The following PPM1G variants were observed in gnomAD, a reference collection of about 807,000 sequenced individuals.
PPM1G encodes protein phosphatase, Mg2+/Mn2+ dependent 1G, also known as protein phosphatase 1G.
A neutral mutation model predicts 59.4 loss-of-function variants in PPM1G; 12 were observed. The observed-to-expected ratio is 0.20, with a 90% confidence interval of 0.13 to 0.33. The LOEUF (loss-of-function observed/expected upper bound fraction) is 0.33. Among genes scored for constraint, PPM1G ranks in the 10% least tolerant of loss-of-function variants. PPM1G has a pLI of 1.00. For synonymous variants in PPM1G, 245 were observed against 251.9 expected (o/e 0.97, Z 0.26); for missense variants, 392 against 681.3 (o/e 0.58, Z 4.73).
intron 1 of PPM1G, among the ~76,000 whole-genome samples, chr2:27,388,102 G>A (rs1683812805): frequency 6.6e-6 from 1 of 151,642 alleles, no homozygotes; most frequent in African/African-American, 2.4e-5. Flanking sequence ...CCGGCCTACA[G>A]CATTATTTAT....
chr2:27,382,406 G>A lies in PPM1G; in HGVS notation c.1331+70C>T. 6.2e-7 allele frequency: 1 copy of A among 1,600,954 alleles called. No homozygotes were observed. The highest frequency in any genetic ancestry group is 8.5e-7 in the Non-Finnish European group (1 of 1,173,152). ...GGTCTGCCTAGGCTCTAATCCTAGAGGTGCCCTGAGTCCTATAAGAGAAGA... is the reference window on the plus strand; with the variant it reads ...GGTCTGCCTAGGCTCTAATCCTAGAAGTGCCCTGAGTCCTATAAGAGAAGA... On this transcript the variant is annotated intron_variant, in intron 8 of 9. Coordinates refer to ENST00000344034, the MANE Select transcript of PPM1G (RefSeq NM_177983.3). The surrounding 1 kb of genome is among the most constrained non-coding windows in gnomAD (Gnocchi z 4.2).
chr2:27,409,012 T>C (rs1030458362), intron 1 of PPM1G, among the ~76,000 whole-genome samples: 3 of 152,242 alleles, frequency 2.0e-5, no homozygotes, highest in South Asian at 2.1e-4. Context: ...GAGGGCTAGG[T>C]TGGCACGAGA....
chr2:27,393,412 G>A (rs1242381003), intron 1 of PPM1G: 50 of 1,261,918 alleles, frequency 4.0e-5, no homozygotes, highest in Non-Finnish European at 3.5e-5. Context: ...TGGTGGCTAC[G>A]CGGCGCTGGA....
At chr2:27,391,213 G>T (rs1212530175) in intron 1 of PPM1G, among the ~76,000 whole-genome samples, 1 of 152,170 alleles carries the variant, frequency 6.6e-6, no homozygotes, top group Non-Finnish European at 1.5e-5. Flanking sequence ...CCATCAGATT[G>T]CTGGGTCTAA....
chr2:27,382,119 T>A lies in PPM1G; in HGVS notation c.1434+7A>T. The A allele has an allele frequency of 6.2e-7, 1 of 1,612,264 alleles. No homozygotes were observed. Among genetic ancestry groups the A allele is most frequent in the Non-Finnish European group, 8.5e-7 (1 of 1,178,324 alleles). On this transcript the variant is annotated splice_region_variant and intron_variant, in intron 9 of 9. Transcript: ENST00000344034. This position sits in a 1 kb window ranked among gnomAD's most constrained non-coding sequence, Gnocchi z 4.2. ...AGACACCCTCTCTTCTCCACCCTGG[T>A]ACTCACCTCTTCCACAATGGATGAC...
chr2:27,392,736 G>T (rs1377918381), intron 1 of PPM1G: 10 of 1,105,526 alleles, frequency 9.0e-6, no homozygotes, highest in Non-Finnish European at 2.7e-6. Context: ...GCGCTGCCTT[G>T]GTGACAAGGT....
intron 1 of PPM1G, among the ~76,000 whole-genome samples, chr2:27,404,333 G>A (rs957247478): frequency 5.9e-5 from 9 of 151,852 alleles, no homozygotes; most frequent in Admixed American, 4.6e-4. Context: ...GGATCACAAC[G>A]TCAGGAGTCT....
intron 1 of PPM1G, among the ~76,000 whole-genome samples, chr2:27,399,299 T>A (rs2148425988): frequency 6.6e-6 from 1 of 151,908 alleles, no homozygotes; most frequent in African/African-American, 2.4e-5. Context: ...AAAAAGACAA[T>A]CCAATTAAAA....
intron 1 of PPM1G, among the ~76,000 whole-genome samples, chr2:27,398,937 T>C (rs547590588): frequency 6.6e-5 from 10 of 150,474 alleles, no homozygotes; most frequent in South Asian, 2.1e-4. Context: ...CTGAGGTCAG[T>C]AGTTCAAGAC....
intron 1 of PPM1G, among the ~76,000 whole-genome samples, chr2:27,394,741 T>TAAAAA (rs397868730): frequency 2.8e-5 from 3 of 107,920 alleles, no homozygotes; most frequent in South Asian, 3.1e-4. Flanking sequence ...GACTCTGTCT[T>TAAAAA]AAAAAAAAAA....
intron 1 of PPM1G, among the ~76,000 whole-genome samples, chr2:27,399,294 G>A (rs1189527308): frequency 6.6e-6 from 1 of 152,064 alleles, no homozygotes; most frequent in East Asian, 1.9e-4. Context: ...AAGACAAAAA[G>A]ACAATCCAAT....
intron 1 of PPM1G, among the ~76,000 whole-genome samples, chr2:27,399,163 AC>A (rs1351231692): frequency 6.6e-6 from 1 of 151,894 alleles, no homozygotes; most frequent in Non-Finnish European, 1.5e-5. Context: ...AACAACAACA[AC>A]AACAACAAAA....
Position 27,382,960 on chromosome 2 carries a change from G to T in PPM1G, c.1202-355C>A, listed in dbSNP as rs1254077534. Reference sequence around the variant, plus strand: ...CCTGCCTCAGCCTCCTGAGTAGCTGGGATTACAGGCTTGCACTACCATGCC... The same window carrying T: ...CCTGCCTCAGCCTCCTGAGTAGCTGTGATTACAGGCTTGCACTACCATGCC... On this transcript the variant is annotated intron_variant, in intron 7 of 9. Coordinates refer to ENST00000344034, the MANE Select transcript of PPM1G (RefSeq NM_177983.3). This position sits in a 1 kb window ranked among gnomAD's most constrained non-coding sequence, Gnocchi z 4.2. Among the ~76,000 whole-genome samples, 1 of 151,620 alleles carries T rather than the reference G, an allele frequency of 6.6e-6. No individual in the cohort carries two copies. Among genetic ancestry groups the T allele is most frequent in the Admixed American group, 6.6e-5 (1 of 15,222 alleles).
At chr2:27,387,577 T>C (rs1224174879) in intron 1 of PPM1G, among the ~76,000 whole-genome samples, 2 of 152,088 alleles carry the variant, frequency 1.3e-5, no homozygotes, top group Non-Finnish European at 2.9e-5. Flanking sequence ...CTTGGCTCAC[T>C]GCAACCTCCG....
Position 27,383,055 on chromosome 2 carries a change from C to T in PPM1G, c.1201+311G>A, listed in dbSNP as rs1272028990. On this transcript the variant is annotated intron_variant, in intron 7 of 9. Transcript: ENST00000344034. This position sits in a 1 kb window ranked among gnomAD's most constrained non-coding sequence, Gnocchi z 5.0. ...TTCACCATGTTGGCCAGGCTGGCCT[C>T]GAACTCCTGACCTCAGGCGATCCAC... Among the ~76,000 whole-genome samples the T allele has an allele frequency of 6.6e-6, 1 of 151,500 alleles. No individual in the cohort carries two copies. Among genetic ancestry groups the T allele is most frequent in the Non-Finnish European group, 1.5e-5 (1 of 67,890 alleles).
chr2:27,390,407 C>A (rs911880442), intron 1 of PPM1G, among the ~76,000 whole-genome samples: 1 of 152,166 alleles, frequency 6.6e-6, no homozygotes, highest in East Asian at 1.9e-4. Flanking sequence ...TCTTACTACA[C>A]AGAGAATGTA....
rs1683698702 is a variant in PPM1G at position 27,383,849 on chromosome 2, C to T, written c.966+103G>A. Reference sequence around the variant, plus strand: ...AATAAATCCCCATGACTATTACTTCCATCCTAAAGTATCAGGGGGATCCCC... The same window carrying T: ...AATAAATCCCCATGACTATTACTTCTATCCTAAAGTATCAGGGGGATCCCC... On this transcript the variant is annotated intron_variant, in intron 6 of 9. Transcript: ENST00000344034. The surrounding 1 kb of genome is among the most constrained non-coding windows in gnomAD (Gnocchi z 5.0). 2.8e-5 allele frequency: 41 copies of T among 1,478,440 alleles called. No individual in the cohort carries two copies. In the South Asian group the frequency reaches 5.2e-4, roughly 19 times the overall value. The allele number at this position is 1,478,440 out of a possible 1,614,324, so 91.6% of individuals were successfully genotyped here.
rs1450423968 is a variant in PPM1G, at chr2:27,385,017, C to T, written c.481G>A (p.Gly161Arg). 8 of 1,613,888 alleles carry T rather than the reference C, an allele frequency of 5.0e-6. No individual in the cohort carries two copies. The highest frequency in any genetic ancestry group is 4.0e-5 in the African/African-American group (3 of 74,912). The change falls in exon 5 of 10, where the codon GGG (glycine) becomes AGG (arginine). Residue 161 changes from glycine (G) to arginine (R), a missense_variant. Gly to Arg is a moderately radical substitution (Grantham distance 125). Around this residue, in one of 6 missense-constraint regions of PPM1G, gnomAD observed 188 missense variants for 248.8 expected, o/e 0.76. Transcript: ENST00000344034. This position sits in a 1 kb window ranked among gnomAD's most constrained non-coding sequence, Gnocchi z 4.1. ...GGAGGGCCCTTGTGACAGTTCTGCC[C>T]GTAGCGTGTCAGCAGCTCTTCAATA... The part of the protein sequence containing the change: ...MTIEELLTRY[G>R]QNCHKGPPHS...
intron 1 of PPM1G, among the ~76,000 whole-genome samples, chr2:27,402,198 C>A (rs757711060): frequency 6.6e-6 from 1 of 152,162 alleles, no homozygotes; most frequent in Non-Finnish European, 1.5e-5. Context: ...ACACTGAAAT[C>A]ATACTCTGTC....
Sources: allele counts gnomAD v4.1 joint callset (sites outside exome capture counted in the v4.1 genomes callset), GRCh38; gene constraint gnomAD v4.1.1; regional missense constraint gnomAD v4.1.1; non-coding constraint Gnocchi (gnomAD v3.1); transcripts MANE v1.5; gene names NCBI Gene and HGNC (gene_info 2026-07-23, HGNC 2026-07-21).